The following RABGEF1 variants were observed in gnomAD, a reference collection of about 807,000 sequenced individuals.
RABGEF1 encodes rab5 GDP/GTP exchange factor.
RABGEF1 carries 26 observed loss-of-function variants against 57.3 expected under a neutral mutation model. That is an observed-to-expected ratio of 0.45 (90% CI 0.33 to 0.63). The LOEUF is 0.63. RABGEF1 is among the 20% of genes least tolerant of loss of function. The probability of loss-of-function intolerance (pLI) is 0.02; values close to 1 mark genes in which losing one functional copy is unlikely to be tolerated. For synonymous variants in RABGEF1, 185 were observed against 210.7 expected, an observed-to-expected ratio of 0.88 and a Z score of 1.06; for missense variants, 464 against 607.6, an observed-to-expected ratio of 0.76 and a Z score of 2.48.
chr7:66,706,315 A>G (rs1794084050), intron 1 of RABGEF1, among the ~76,000 whole-genome samples: 1 of 152,048 alleles, frequency 6.6e-6, no homozygotes, highest in Non-Finnish European at 1.5e-5. Context: ...ATATACTTTC[A>G]TTTCTCTTAT....
At chr7:66,791,847 C>T (rs1474523119) in intron 4 of RABGEF1, among the ~76,000 whole-genome samples, 2 of 152,166 alleles carry the variant, frequency 1.3e-5, no homozygotes, top group Admixed American at 6.5e-5. Context: ...GGTGCGGTGG[C>T]TCACGCCTGT....
intron 7 of RABGEF1, among the ~76,000 whole-genome samples, chr7:66,804,587 TAG>T (rs911639215): frequency 1.3e-5 from 2 of 151,942 alleles, no homozygotes; most frequent in African/African-American, 4.8e-5. Flanking sequence ...ATACAAAAAG[TAG>T]CTGGGTGTGG....
intron 2 of RABGEF1, among the ~76,000 whole-genome samples, chr7:66,725,580 G>A (rs567097043): frequency 7.9e-5 from 12 of 152,150 alleles, no homozygotes; most frequent in Non-Finnish European, 1.2e-4. Context: ...TGATGAGTTC[G>A]TGAATATTGT....
chr7:66,689,904 T>C (rs1791263380), intron 1 of RABGEF1, among the ~76,000 whole-genome samples: 1 of 152,088 alleles, frequency 6.6e-6, no homozygotes, highest in East Asian at 1.9e-4. Context: ...ACTGGGTGGC[T>C]TTACCAGTGA....
upstream of RABGEF1, among the ~76,000 whole-genome samples, chr7:66,737,388 G>C (rs1174447512): frequency 6.6e-6 from 1 of 151,700 alleles, no homozygotes; most frequent in Admixed American, 6.6e-5. Context: ...TGAATAGCTG[G>C]GACTACAGGC....
intron 1 of RABGEF1, among the ~76,000 whole-genome samples, chr7:66,682,668 G>A (rs1435361032): frequency 6.6e-6 from 1 of 151,500 alleles, no homozygotes; most frequent in Non-Finnish European, 1.5e-5. Context: ...GAACGCGCCG[G>A]GATGGGACGC....
intron 1 of RABGEF1, among the ~76,000 whole-genome samples, chr7:66,767,685 G>A (rs919473407): frequency 6.6e-6 from 1 of 152,174 alleles, no homozygotes; most frequent in African/African-American, 2.4e-5. Context: ...ATAAGAGACT[G>A]CAGAGAGCCT....
chr7:66,743,651 G>A (rs559078777), intron 1 of RABGEF1, among the ~76,000 whole-genome samples: 11 of 152,176 alleles, frequency 7.2e-5, no homozygotes, highest in East Asian at 5.8e-4. Flanking sequence ...ACAGATGCCC[G>A]CCACCATGCC....
chr7:66,719,168 A>C (rs1358891360), intron 2 of RABGEF1, among the ~76,000 whole-genome samples: 2 of 152,128 alleles, frequency 1.3e-5, no homozygotes, highest in Non-Finnish European at 2.9e-5. Context: ...TTAACACCAA[A>C]AACCAACCAA....
chr7:66,795,629 C>A, intron 5 of RABGEF1, 37 bp downstream of exon 5: 1 of 1,522,256 alleles, frequency 6.6e-7, no homozygotes, highest in South Asian at 1.1e-5. Context: ...GCGGGTATTG[C>A]ACAGGGATGA....
chr7:66,756,612 C>T (rs963419815), intron 1 of RABGEF1, among the ~76,000 whole-genome samples: 2 of 152,022 alleles, frequency 1.3e-5, no homozygotes, highest in African/African-American at 4.8e-5. Flanking sequence ...CTACAGATAG[C>T]CTCTTAAAAA....
chr7:66,716,859 A>G (rs529892410), intron 2 of RABGEF1, among the ~76,000 whole-genome samples: 30 of 152,274 alleles, frequency 2.0e-4, no homozygotes, highest in Non-Finnish European at 4.1e-4. Flanking sequence ...GTTCACCACA[A>G]GCTCTGTCTC....
At chr7:66,777,801 T>A (rs1028551825) in intron 3 of RABGEF1, among the ~76,000 whole-genome samples, 2 of 152,092 alleles carry the variant, frequency 1.3e-5, no homozygotes, top group Admixed American at 6.6e-5. Context: ...ATTAAAAAAA[T>A]TAATTAATTA....
At chr7:66,787,588 G>A (rs542111835) in intron 4 of RABGEF1, among the ~76,000 whole-genome samples, 7 of 152,102 alleles carry the variant, frequency 4.6e-5, no homozygotes, top group African/African-American at 1.7e-4. Context: ...CACATGATCC[G>A]CCCACCTTGG....
At chr7:66,682,530 C>G (rs1425069130) in intron 1 of RABGEF1, among the ~76,000 whole-genome samples, 1 of 152,216 alleles carries the variant, frequency 6.6e-6, no homozygotes, top group African/African-American at 2.4e-5. Context: ...GACGGCCTGA[C>G]CTGGATCACT....
intron 5 of RABGEF1, among the ~76,000 whole-genome samples, chr7:66,796,341 C>T (rs1212630893): frequency 3.9e-5 from 6 of 152,150 alleles, no homozygotes; most frequent in African/African-American, 1.4e-4. Flanking sequence ...TCAGAGAAAT[C>T]TCCATTTGTA....
At position 66,797,352 on chromosome 7, in the gene RABGEF1, TTTCTC is replaced by T. The variant is rs770806853; in HGVS notation, c.596-20_596-16del. ...AGAAAAAATATATATATCTTGATCT[TTTCTC>T]TGTCTGGTTATTTCAGTGCCTCCAG... On this transcript the variant is annotated splice_polypyrimidine_tract_variant and intron_variant, in intron 5 of 8. Coordinates refer to ENST00000284957, the MANE Select transcript of RABGEF1 (RefSeq NM_014504.3). 6.3e-6 allele frequency: 10 copies of T among 1,584,468 alleles called. No homozygotes were observed. Among genetic ancestry groups the T allele is most frequent in the Non-Finnish European group, 8.5e-6 (10 of 1,171,534 alleles).
chr7:66,764,422 A>G (rs574295544), intron 1 of RABGEF1, among the ~76,000 whole-genome samples: 41 of 152,264 alleles, frequency 2.7e-4, no homozygotes, highest in Non-Finnish European at 5.0e-4. Flanking sequence ...TTCTGTTTTC[A>G]TTTGATAAGG....
chr7:66,705,876 ATTTTTTTTTTTTTTTTTTTTTTTTTT>A (rs201838145), intron 1 of RABGEF1, among the ~76,000 whole-genome samples: 1 of 45,150 alleles, frequency 2.2e-5, no homozygotes, highest in Non-Finnish European at 3.9e-5. Flanking sequence ...CACCCAGCTA[ATTTTTTTTTTTTTTTTTTTTTTTTTT>A]TTTTTTTTTT....
Sources: allele counts gnomAD v4.1 joint callset (sites outside exome capture counted in the v4.1 genomes callset), GRCh38; gene constraint gnomAD v4.1.1; transcripts MANE v1.5; gene names NCBI Gene and HGNC (gene_info 2026-07-23, HGNC 2026-07-21).